The following CNTNAP2 variants were observed in gnomAD, a reference collection of about 807,000 sequenced individuals.
CNTNAP2 encodes the protein contactin-associated protein-like 2.
Under a neutral mutation model 155.2 loss-of-function variants are expected in CNTNAP2, and 98 were observed. The observed-to-expected ratio is 0.63, with a 90% CI of 0.54 to 0.75. The LOEUF (loss-of-function observed/expected upper bound fraction) is 0.75, where lower values mean the gene tolerates loss of function less well. Ranked by LOEUF, CNTNAP2 falls within the 30% of genes least tolerant of loss-of-function variation. CNTNAP2 has a pLI of 0.00. For synonymous variants in CNTNAP2, 651 were observed against 631.2 expected (o/e 1.03, Z -0.47); for missense variants, 1,727 against 1,688.1 (o/e 1.02, Z -0.40).
intron 4 of CNTNAP2, among the ~76,000 whole-genome samples, chr7:147,094,058 G>A (rs977121446): frequency 7.9e-5 from 12 of 152,184 alleles, no homozygotes; most frequent in African/African-American, 2.7e-4. Context: ...ATCACACACT[G>A]GTGGCTTCTA....
chr7:146,432,680 G>A (rs1204039883), intron 1 of CNTNAP2, among the ~76,000 whole-genome samples: 1 of 152,150 alleles, frequency 6.6e-6, no homozygotes, highest in African/African-American at 2.4e-5. Flanking sequence ...GGGTTAAGTG[G>A]CCACAAATTC....
At chr7:146,720,978 CTA>C (rs71165032) in intron 1 of CNTNAP2, among the ~76,000 whole-genome samples, 60 of 121,942 alleles carry the variant, frequency 4.9e-4, no homozygotes, top group Non-Finnish European at 8.0e-4. Flanking sequence ...TATATATAGA[CTA>C]TATATACTGT....
In CNTNAP2 at chr7:146,121,273, C is replaced by T. The variant is rs932771986; in HGVS notation, c.97+4300C>T. Among the ~76,000 whole-genome samples, 18 of 151,728 alleles carry T rather than the reference C, an allele frequency of 1.2e-4. 1 individual carries two copies. Among genetic ancestry groups the T allele is most frequent in the South Asian group, 1.0e-3 (5 of 4,804 alleles). ...CCTCCCGAGTAGCTGGGACTACAGGCGCCCACCACCATGCCCGGCTAATTT... is the reference window on the plus strand; with the variant it reads ...CCTCCCGAGTAGCTGGGACTACAGGTGCCCACCACCATGCCCGGCTAATTT... On this transcript the variant is annotated intron_variant, in intron 1 of 23. Coordinates refer to ENST00000361727, the MANE Select transcript of CNTNAP2 (RefSeq NM_014141.6).
At chr7:148,265,674 T>C (rs1486247356) in intron 20 of CNTNAP2, among the ~76,000 whole-genome samples, 1 of 152,176 alleles carries the variant, frequency 6.6e-6, no homozygotes, top group African/African-American at 2.4e-5. Context: ...TGGGGTGCTT[T>C]TGGATTTTTG....
intron 4 of CNTNAP2, among the ~76,000 whole-genome samples, chr7:147,050,991 T>C (rs1201236464): frequency 6.6e-6 from 1 of 152,060 alleles, no homozygotes; most frequent in Non-Finnish European, 1.5e-5. Flanking sequence ...TCTGTGTCTC[T>C]GTGTCTTCAA....
intron 1 of CNTNAP2, among the ~76,000 whole-genome samples, chr7:146,227,791 A>G (rs548319476): frequency 6.6e-6 from 1 of 152,304 alleles, no homozygotes; most frequent in African/African-American, 2.4e-5. Flanking sequence ...GCTGCATGTT[A>G]TGCATGGCTG....
chr7:146,616,070 G>GT (rs542666322), intron 1 of CNTNAP2, among the ~76,000 whole-genome samples: 474 of 152,136 alleles, frequency 3.1e-3, no homozygotes, highest in Middle Eastern at 6.8e-3. Flanking sequence ...TGCTCCATTT[G>GT]TTTTTTTCCT....
At chr7:146,724,011 A>T (rs1303205256) in intron 1 of CNTNAP2, among the ~76,000 whole-genome samples, 1 of 152,182 alleles carries the variant, frequency 6.6e-6, no homozygotes, top group South Asian at 2.1e-4. Flanking sequence ...ATGCTAAAAA[A>T]GTTGTTTTCT....
chr7:146,596,595 CAGAGAG>C (rs368697909), intron 1 of CNTNAP2, among the ~76,000 whole-genome samples: 26,414 of 104,922 alleles, frequency 0.25, 2,790 homozygotes, highest in East Asian at 0.32. Flanking sequence ...AGAAGGGAGA[CAGAGAG>C]AGAGAGAGAG....
At chr7:147,802,448 G>C (rs535623056) in intron 13 of CNTNAP2, among the ~76,000 whole-genome samples, 4 of 152,106 alleles carry the variant, frequency 2.6e-5, no homozygotes, top group South Asian at 2.1e-4. Context: ...AAGTTGTAGC[G>C]AGCCGAGATC....
intron 9 of CNTNAP2, among the ~76,000 whole-genome samples, chr7:147,370,694 T>C (rs1796326553): frequency 6.6e-6 from 1 of 152,146 alleles, no homozygotes; most frequent in Admixed American, 6.5e-5. Flanking sequence ...CCCTTAATCC[T>C]TAGTATGTTT....
intron 3 of CNTNAP2, among the ~76,000 whole-genome samples, chr7:146,947,555 GTGTATATATATATATATATACATATATA>G (rs1479293244): frequency 9.1e-4 from 36 of 39,432 alleles, no homozygotes; most frequent in Admixed American, 2.2e-3. Context: ...GTGTGTGTGT[GTGTATATATATATATATATACATATATA>G]TATATATATA....
At chr7:146,992,188 A>G (rs2129239004) in intron 3 of CNTNAP2, among the ~76,000 whole-genome samples, 2 of 152,324 alleles carry the variant, frequency 1.3e-5, no homozygotes, top group South Asian at 4.1e-4. Flanking sequence ...GTATTGTTAT[A>G]GTTTCATGTT....
chr7:147,136,548 T>C (rs910460152), intron 8 of CNTNAP2, among the ~76,000 whole-genome samples: 2 of 151,978 alleles, frequency 1.3e-5, no homozygotes, highest in East Asian at 3.9e-4. Flanking sequence ...GGAGTTTTCT[T>C]GGTTCAGTGT....
chr7:147,694,148 G>A (rs1027641040), intron 13 of CNTNAP2, among the ~76,000 whole-genome samples: 1 of 151,852 alleles, frequency 6.6e-6, no homozygotes, highest in Non-Finnish European at 1.5e-5. Context: ...TTGATATGAT[G>A]GATTACATTA....
intron 1 of CNTNAP2, among the ~76,000 whole-genome samples, chr7:146,265,242 A>T (rs971694540): frequency 7.2e-5 from 11 of 152,138 alleles, no homozygotes; most frequent in Non-Finnish European, 1.0e-4. Context: ...ACTATAGATT[A>T]TTACCATTAT....
rs374798925 is a variant in CNTNAP2 at position 148,314,912 on chromosome 7, C to T, written c.3475+47786C>T. ...CGGAGTTTTGGGTCCACAGATAAAA[C>T]GTGTCTCCTTCGTCTCTACCAGAAA... On this transcript the variant is annotated intron_variant, in intron 21 of 23. Transcript: ENST00000361727. Among the ~76,000 whole-genome samples the T allele has an allele frequency of 2.6e-3, 402 of 152,194 alleles. 1 individual carries two copies. The highest frequency in any genetic ancestry group is 9.1e-3 in the African/African-American group (379 of 41,506).
intron 8 of CNTNAP2, among the ~76,000 whole-genome samples, chr7:147,237,490 T>C (rs1803834726): frequency 6.6e-6 from 1 of 152,224 alleles, no homozygotes; most frequent in Non-Finnish European, 1.5e-5. Flanking sequence ...GTTCAAGTGC[T>C]GGCTCCACTT....
chr7:146,931,081 T>C (rs866673668), intron 3 of CNTNAP2, among the ~76,000 whole-genome samples: 6,165 of 150,066 alleles, frequency 0.041, 131 homozygotes, highest in Non-Finnish European at 0.046. Flanking sequence ...CTGCACCAAG[T>C]GGACCTAATA....
Sources: allele counts gnomAD v4.1 joint callset (sites outside exome capture counted in the v4.1 genomes callset), GRCh38; gene constraint gnomAD v4.1.1; transcripts MANE v1.5; gene names NCBI Gene and HGNC (gene_info 2026-07-23, HGNC 2026-07-21).